The following YTHDF1 variants were observed in gnomAD, a reference collection of about 807,000 sequenced individuals.
YTHDF1 encodes the protein YTH N6-methyladenosine RNA binding protein F1.
YTHDF1 carries 16 observed loss-of-function variants against 49.1 expected under a neutral mutation model. The ratio of observed to expected loss-of-function variants is 0.33; its 90% CI spans 0.22 to 0.49. The LOEUF (loss-of-function observed/expected upper bound fraction) is 0.49, where lower values mean the gene tolerates loss of function less well. Among genes scored for constraint, YTHDF1 ranks in the 20% least tolerant of loss-of-function variants. The pLI, the probability that YTHDF1 is intolerant of heterozygous loss-of-function variation, is 0.99. For missense variants in YTHDF1, 621 were observed against 744.3 expected (o/e 0.83, Z 1.93); for synonymous variants, 313 against 290.1 (o/e 1.08, Z -0.80).
Position 63,202,696 on chromosome 20 carries a change from T to C in YTHDF1, c.1244A>G (p.Glu415Gly). ...SIKYSIWCST[E>G]HGNKRLDSAF... ...GCTGTCCAGGCGCTTGTTGCCGTGC[T>C]CTGTGCTACACCAGATGGAGTACTT... Residue 415 changes from glutamate to glycine, a missense_variant, in exon 4 of 5, where the codon GAG becomes GGG. Transcript: ENST00000370339. 2 of 1,614,146 alleles carry C rather than the reference T, an allele frequency of 1.2e-6. No individual in the cohort carries two copies. Among genetic ancestry groups the C allele is most frequent in the Non-Finnish European group, 1.7e-6 (2 of 1,180,048 alleles).
rs191159958 is a variant in YTHDF1, at chr20:63,201,615, A to C, written c.1653+672T>G. Among the ~76,000 whole-genome samples, 57 of 152,378 alleles carry C rather than the reference A, an allele frequency of 3.7e-4. No individual in the cohort carries two copies. The East Asian group carries it at 0.011, about 28-fold the overall frequency. On this transcript the variant is annotated intron_variant, in intron 4 of 4. Transcript: ENST00000370339. ...GGACTGTCTCAAAAAGGCCCAGTCA[A>C]TGAATTTTTGATATAGGATCCATAT...
At chr20:63,213,154 G>A (rs1334242107) in intron 3 of YTHDF1, among the ~76,000 whole-genome samples, 3 of 152,256 alleles carry the variant, frequency 2.0e-5, no homozygotes, top group Non-Finnish European at 4.4e-5. Context: ...AAACCAGGCT[G>A]GGCGCGGTGC....
chr20:63,210,468 T>C (rs559710423), intron 3 of YTHDF1, among the ~76,000 whole-genome samples: 2 of 152,144 alleles, frequency 1.3e-5, no homozygotes, highest in Admixed American at 6.5e-5. Context: ...AAACCAGAAG[T>C]CCCCGAGCAG....
In YTHDF1 at chr20:63,202,898, T is replaced by C. The variant is rs563747387; in HGVS notation, c.1042A>G (p.Ser348Gly). The change falls in exon 4 of 5, where the codon AGC (serine) becomes GGC (glycine). Residue 348 changes from serine to glycine, a missense_variant. Transcript: ENST00000370339. ...GGCTGGACGTTTCCAGGAGAGTTGCTATCGCTGCCAGCCCCTCCGCTCTGC... is the reference window on the plus strand; with the variant it reads ...GGCTGGACGTTTCCAGGAGAGTTGCCATCGCTGCCAGCCCCTCCGCTCTGC... ...FGQSGGAGSD[S>G]NSPGNVQPNS... The C allele has an allele frequency of 3.7e-5, 59 of 1,613,980 alleles. 1 individual carries two copies. In the South Asian group the frequency reaches 6.4e-4, roughly 17 times the overall value.
At chr20:63,205,381 A>G (rs2066540906) in intron 3 of YTHDF1, among the ~76,000 whole-genome samples, 1 of 152,064 alleles carries the variant, frequency 6.6e-6, no homozygotes, top group Non-Finnish European at 1.5e-5. Flanking sequence ...GGACTAATGA[A>G]CCAATGACCC....
In YTHDF1 at chr20:63,202,032, A is replaced by G. The variant is rs139775925; in HGVS notation, c.1653+255T>C. Among the ~76,000 whole-genome samples, 37 of 152,396 alleles carry G rather than the reference A, an allele frequency of 2.4e-4. No individual in the cohort carries two copies. In the East Asian group the frequency reaches 7.1e-3, roughly 29 times the overall value. ...ACACTGTGGTCCCAATTATTCAATTATAATTGGAAAGTGATCAAAGTCGTT... is the reference window on the plus strand; with the variant it reads ...ACACTGTGGTCCCAATTATTCAATTGTAATTGGAAAGTGATCAAAGTCGTT... On this transcript the variant is annotated intron_variant, in intron 4 of 4. Coordinates refer to ENST00000370339, the MANE Select transcript of YTHDF1 (RefSeq NM_017798.4).
At chr20:63,206,019 T>TG (rs992147367) in intron 3 of YTHDF1, among the ~76,000 whole-genome samples, 6 of 146,868 alleles carry the variant, frequency 4.1e-5, no homozygotes, top group African/African-American at 5.0e-5. Flanking sequence ...AGGCCCAGAC[T>TG]GGGGGGGTGA....
At chr20:63,200,979 A>T (rs925616414) in intron 4 of YTHDF1, among the ~76,000 whole-genome samples, 2 of 151,988 alleles carry the variant, frequency 1.3e-5, no homozygotes, top group Admixed American at 1.3e-4. Flanking sequence ...CAGGAGGTGG[A>T]GGTTGCAGTG....
intron 4 of YTHDF1, among the ~76,000 whole-genome samples, chr20:63,199,518 T>TAAA (rs11386506): frequency 3.6e-5 from 5 of 138,426 alleles, no homozygotes; most frequent in African/African-American, 2.7e-5. Flanking sequence ...GATTCTGTCT[T>TAAA]AAAAAAAAAA....
intron 3 of YTHDF1, among the ~76,000 whole-genome samples, chr20:63,208,881 A>T (rs1428206296): frequency 6.6e-6 from 1 of 152,202 alleles, no homozygotes; most frequent in Non-Finnish European, 1.5e-5. Flanking sequence ...TCAGTGAAAA[A>T]AAACCACCCA....
In YTHDF1 at chr20:63,203,204, G is replaced by A. The variant is rs935237543; in HGVS notation, c.736C>T (p.Pro246Ser). Residue 246 changes from proline to serine, a missense_variant, in exon 4 of 5, where the codon CCT becomes TCT. Pro to Ser is a moderately conservative substitution (Grantham distance 74). This residue lies in a region of YTHDF1 where 470 missense variants were observed against 495.8 expected (regional missense o/e 0.95). Transcript: ENST00000370339. The surrounding 1 kb of genome is among the most constrained non-coding windows in gnomAD (Gnocchi z 4.4). ...AIASKPAKPQ[P>S]KMKTKSGPVM... ...GGCCCGCTCTTTGTTTTCATTTTAGGCTGTGGTTTTGCAGGCTTGCTGGCA... is the reference window on the plus strand; with the variant it reads ...GGCCCGCTCTTTGTTTTCATTTTAGACTGTGGTTTTGCAGGCTTGCTGGCA... The A allele has an allele frequency of 6.2e-7, 1 of 1,613,896 alleles. No homozygotes were observed. Among genetic ancestry groups the A allele is most frequent in the Non-Finnish European group, 8.5e-7 (1 of 1,180,058 alleles).
chr20:63,212,055 T>C, intron 3 of YTHDF1, among the ~76,000 whole-genome samples: 1 of 151,634 alleles, frequency 6.6e-6, no homozygotes, highest in East Asian at 1.9e-4. Flanking sequence ...TTGGCTAAAA[T>C]TCAGTACATA....
intron 4 of YTHDF1, among the ~76,000 whole-genome samples, chr20:63,199,923 G>C (rs918847324): frequency 6.6e-6 from 1 of 152,060 alleles, no homozygotes; most frequent in Non-Finnish European, 1.5e-5. Flanking sequence ...AGCCAGGCGT[G>C]GTGGTGCACG....
At position 63,203,509 on chromosome 20, in the gene YTHDF1, C is replaced by T. The variant is rs1420752238; in HGVS notation, c.431G>A (p.Ser144Asn). 6.2e-7 allele frequency: 1 copy of T among 1,613,760 alleles called. No homozygotes were observed. Among genetic ancestry groups the T allele is most frequent in the African/African-American group, 1.3e-5 (1 of 74,922 alleles). The change falls in exon 4 of 5, where the codon AGC becomes AAC. Residue 144 changes from serine (S) to asparagine (N), a missense_variant. Physicochemically the swap from Ser to Asn is conservative, Grantham distance 46 (BLOSUM62 1). This residue lies in a region of YTHDF1 where 470 missense variants were observed against 495.8 expected (regional missense o/e 0.95). Transcript: ENST00000370339. This position sits in a 1 kb window ranked among gnomAD's most constrained non-coding sequence, Gnocchi z 4.4. Reference sequence around the variant, plus strand: ...GGTGTAGCTGCTCCCATACGCGGAGCTCTGGGTCTGCTGACCTTGAGACCC... The same window carrying T: ...GGTGTAGCTGCTCCCATACGCGGAGTTCTGGGTCTGCTGACCTTGAGACCC... ...TSGSQGQQTQSSAYGSSYTYP... is the reference protein window; with the variant it reads ...TSGSQGQQTQNSAYGSSYTYP...
intron 2 of YTHDF1, 48 bp from the exon 3 acceptor site, chr20:63,213,991 C>T: frequency 6.4e-7 from 1 of 1,556,550 alleles, no homozygotes; most frequent in Non-Finnish European, 8.6e-7. Context: ...TAAAAGATTA[C>T]TTTTAAGCTT....
intron 2 of YTHDF1, among the ~76,000 whole-genome samples, chr20:63,214,745 T>A (rs192987183): frequency 6.6e-6 from 1 of 152,272 alleles, no homozygotes; most frequent in African/African-American, 2.4e-5. Flanking sequence ...TGACTCTGAG[T>A]TCTGTCCTTT....
chr20:63,204,223 TA>T (rs1313188116), intron 3 of YTHDF1, among the ~76,000 whole-genome samples: 1 of 152,194 alleles, frequency 6.6e-6, no homozygotes, highest in Admixed American at 6.5e-5. Context: ...AAGGCAGAGA[TA>T]TTTCCATTGG....
At position 63,203,150 on chromosome 20, in the gene YTHDF1, G is replaced by A. The variant is rs1219230395; in HGVS notation, c.790C>T (p.Pro264Ser). Residue 264 changes from proline (P) to serine (S), a missense_variant, in exon 4 of 5, where the codon CCC (proline) becomes TCC (serine). Transcript: ENST00000370339. The surrounding 1 kb of genome is among the most constrained non-coding windows in gnomAD (Gnocchi z 4.4). ...CCAATGTCCATGTTATGCTTTATGG[G>A]TGGAGGGGGCAGCCCACCCCCCATG... ...PVMGGGLPPP[P>S]IKHNMDIGTW... is the part of the protein sequence containing the mutation. 16 of 1,613,748 alleles carry A rather than the reference G, an allele frequency of 9.9e-6. No individual in the cohort carries two copies. The East Asian group carries it at 3.6e-4, about 36-fold the overall frequency.
chr20:63,213,931 G>T lies in YTHDF1; in HGVS notation c.65C>A (p.Ser22Ter), dbSNP rs749542694. 6.4e-7 allele frequency: 1 copy of T among 1,560,530 alleles called. No homozygotes were observed. Among genetic ancestry groups the T allele is most frequent in the Non-Finnish European group, 8.6e-7 (1 of 1,163,724 alleles). ...KGQDNKVQNGSLHQKDTVHDN... is the reference protein window; with the variant it reads ...KGQDNKVQNG ...ATGAACTGTATCCTTCTGATGTAAC[G>T]AACCATTTTGTACTAGAACAAAAAG... The change falls in exon 3 of 5, where the codon TCG becomes TAG. Residue 22 changes from serine to a stop codon, truncating the protein, a stop_gained. Coordinates refer to ENST00000370339, the MANE Select transcript of YTHDF1 (RefSeq NM_017798.4). LOFTEE classifies it high-confidence loss of function.
Sources: gnomAD v4.1 joint callset for allele counts (sites outside exome capture counted in the v4.1 genomes callset) on GRCh38, gnomAD v4.1.1 for gene constraint, gnomAD v4.1.1 regional missense constraint, Gnocchi (gnomAD v3.1) non-coding constraint, MANE v1.5 for transcripts, NCBI Gene and HGNC (gene_info 2026-07-23, HGNC 2026-07-21) for gene names.